EIF3A: variants seen among roughly 807,000 people sequenced by gnomAD.
The protein encoded by EIF3A is EIF3, p180 subunit.
A neutral mutation model predicts 186.6 loss-of-function variants in EIF3A; 21 were observed. That is an observed-to-expected ratio of 0.11 (90% CI 0.08 to 0.16). The LOEUF (loss-of-function observed/expected upper bound fraction) is 0.16. Ranked by LOEUF, EIF3A falls within the 10% of genes least tolerant of loss-of-function variation. EIF3A has a pLI of 1.00. For synonymous variants in EIF3A, 563 were observed against 584.3 expected, an observed-to-expected ratio of 0.96 and a Z score of 0.52; for missense variants, 1,306 against 1,796.3, an observed-to-expected ratio of 0.73 and a Z score of 4.93.
chr10:119,036,973 G>A, intron 21 of EIF3A, 146 bp downstream of exon 21: 2 of 668,928 alleles, frequency 3.0e-6, no homozygotes, highest in Non-Finnish European at 5.2e-6. Context: ...TTGAGTAACT[G>A]TATGAAAATC....
At chr10:119,071,754 G>A (rs138864256) in intron 4 of EIF3A, among the ~76,000 whole-genome samples, 6 of 152,280 alleles carry the variant, frequency 3.9e-5, no homozygotes, top group East Asian at 1.9e-4. Flanking sequence ...AGCTGGGCGC[G>A]ATGGCTCACG....
At chr10:119,078,637 C>A (rs1844212501) in intron 1 of EIF3A, among the ~76,000 whole-genome samples, 1 of 152,112 alleles carries the variant, frequency 6.6e-6, no homozygotes, top group South Asian at 2.1e-4. Flanking sequence ...GCATCCCCAT[C>A]CAACAGCTTC....
intron 14 of EIF3A, among the ~76,000 whole-genome samples, chr10:119,053,978 T>C (rs2119818977): frequency 6.6e-6 from 1 of 152,330 alleles, no homozygotes; most frequent in Admixed American, 6.5e-5. Flanking sequence ...TGGAGTGCAG[T>C]GGCGCAATCT....
chr10:119,039,992 A>G (rs987862516), intron 19 of EIF3A, among the ~76,000 whole-genome samples: 1 of 152,342 alleles, frequency 6.6e-6, no homozygotes, highest in East Asian at 1.9e-4. Flanking sequence ...CAAATTAGTA[A>G]GAATCTGCTA....
chr10:119,057,770 G>A (rs531821438), intron 12 of EIF3A, among the ~76,000 whole-genome samples, 186 bp downstream of exon 12: 17 of 152,112 alleles, frequency 1.1e-4, no homozygotes, highest in South Asian at 2.1e-4. Flanking sequence ...ATAATACTCC[G>A]TCTCAAAAAA....
chr10:119,072,428 TTTTGG>T (rs1234538306), intron 4 of EIF3A, among the ~76,000 whole-genome samples: 1 of 100,172 alleles, frequency 1.0e-5, no homozygotes, highest in African/African-American at 3.2e-5. Context: ...TACTCAGTCA[TTTTGG>T]TTTTGTTTTG....
At chr10:119,053,082 A>T (rs1339879094) in intron 14 of EIF3A, among the ~76,000 whole-genome samples, 2 of 152,226 alleles carry the variant, frequency 1.3e-5, no homozygotes, top group African/African-American at 2.4e-5. Context: ...TGCATTGTCA[A>T]TGAGCAGCAA....
At chr10:119,057,926 T>C (rs1211646006) in intron 12 of EIF3A, 30 bp downstream of exon 12, 2 of 1,568,674 alleles carry the variant, frequency 1.3e-6, no homozygotes, top group Non-Finnish European at 1.7e-6. Context: ...TGGATAAAAC[T>C]AATTTTTTAA....
At chr10:119,076,450 T>A (rs528973700) in intron 1 of EIF3A, among the ~76,000 whole-genome samples, 1 of 151,446 alleles carries the variant, frequency 6.6e-6, no homozygotes, top group African/African-American at 2.4e-5. Context: ...CACCACTGCA[T>A]GAAAAAGTCC....
intron 9 of EIF3A, 135 bp from the exon 10 acceptor site, chr10:119,059,853 A>T: frequency 4.3e-6 from 3 of 691,728 alleles, no homozygotes; most frequent in South Asian, 1.6e-5. Context: ...TAAAGCCAGA[A>T]TGCTAATCCC....
chr10:119,072,734 T>G (rs968238482), intron 4 of EIF3A, among the ~76,000 whole-genome samples, 156 bp downstream of exon 4: 6 of 152,194 alleles, frequency 3.9e-5, no homozygotes, highest in African/African-American at 1.4e-4. Context: ...GGATTACAGG[T>G]GTGAGCCACC....
At chr10:119,058,424 G>A in intron 11 of EIF3A, 121 bp from the exon 12 acceptor site, 1 of 705,350 alleles carries the variant, frequency 1.4e-6, no homozygotes, top group Non-Finnish European at 2.3e-6. Flanking sequence ...TTTGATAATG[G>A]AAGATGACAC....
chr10:119,077,603 G>A (rs1844198868), intron 1 of EIF3A, among the ~76,000 whole-genome samples: 1 of 148,020 alleles, frequency 6.8e-6, no homozygotes, highest in African/African-American at 2.5e-5. Flanking sequence ...CACCCACGCT[G>A]GAGTGCAGTG....
At chr10:119,037,886 A>G (rs998675066) in intron 20 of EIF3A, among the ~76,000 whole-genome samples, 9 of 124,248 alleles carry the variant, frequency 7.2e-5, no homozygotes, top group Non-Finnish European at 1.4e-4. Flanking sequence ...TTGGGCCTCC[A>G]TTTTCTTACT....
chr10:119,078,467 A>C (rs12254408), intron 1 of EIF3A, among the ~76,000 whole-genome samples: 3,918 of 152,300 alleles, frequency 0.026, 172 homozygotes, highest in African/African-American at 0.087. Flanking sequence ...TACATGTAAA[A>C]CATTTAGATA....
intron 19 of EIF3A, among the ~76,000 whole-genome samples, chr10:119,040,984 G>A (rs1315778282): frequency 1.6e-5 from 2 of 122,958 alleles, no homozygotes; most frequent in South Asian, 2.8e-4. Context: ...CCAGCCAGAT[G>A]ACAGAGCGAG....
chr10:119,068,171 A>G (rs1844009722), intron 6 of EIF3A, among the ~76,000 whole-genome samples: 1 of 152,202 alleles, frequency 6.6e-6, no homozygotes, highest in Non-Finnish European at 1.5e-5. Flanking sequence ...TAAAAATAAT[A>G]AAATGGAAGA....
At chr10:119,041,872 A>G (rs1010913884) in intron 19 of EIF3A, 122 bp downstream of exon 19, 1 of 1,077,760 alleles carries the variant, frequency 9.3e-7, no homozygotes, top group African/African-American at 1.6e-5. Context: ...TGCAAATGAT[A>G]CTGAAGGAAA....
intron 19 of EIF3A, among the ~76,000 whole-genome samples, chr10:119,040,105 C>CA (rs1848188066): frequency 6.6e-6 from 1 of 152,196 alleles, no homozygotes. Context: ...ACGAAGTAGG[C>CA]AACAGAAACA....
Sources: gnomAD v4.1 joint callset for allele counts (sites outside exome capture counted in the v4.1 genomes callset) on GRCh38, gnomAD v4.1.1 for gene constraint, MANE v1.5 for transcripts, NCBI Gene and HGNC (gene_info 2026-07-23, HGNC 2026-07-21) for gene names.